Variants in PRKD1 observed in about 807,000 individuals in gnomAD.
PRKD1 encodes the protein serine/threonine-protein kinase D1.
A neutral mutation model predicts 95.9 loss-of-function variants in PRKD1; 63 were observed. That is an observed-to-expected ratio of 0.66 (90% CI 0.54 to 0.81). PRKD1 has a LOEUF of 0.81. PRKD1 is among the 30% of genes least tolerant of loss of function. The pLI is 0.00. For synonymous variants in PRKD1, 425 were observed against 423.1 expected, an observed-to-expected ratio of 1.00 and a Z score of -0.05; for missense variants, 1,048 against 1,165.3, an observed-to-expected ratio of 0.90 and a Z score of 1.47.
At chr14:29,824,595 CA>C (rs1762193452) in intron 1 of PRKD1, among the ~76,000 whole-genome samples, 1 of 152,118 alleles carries the variant, frequency 6.6e-6, no homozygotes, top group South Asian at 2.1e-4. Context: ...CAATTATAAA[CA>C]GTGTGTCAAA....
chr14:29,814,606 T>C (rs1890619222), intron 1 of PRKD1, among the ~76,000 whole-genome samples: 1 of 152,130 alleles, frequency 6.6e-6, no homozygotes, highest in Non-Finnish European at 1.5e-5. Context: ...ACAGCTGACT[T>C]TGATGCACTT....
intron 1 of PRKD1, among the ~76,000 whole-genome samples, chr14:29,920,076 G>A (rs958820167): frequency 6.7e-5 from 9 of 134,774 alleles, no homozygotes; most frequent in Non-Finnish European, 1.1e-4. Flanking sequence ...AAAGAAGGAA[G>A]GAAGGAAGGA....
At chr14:29,636,519 A>G in intron 6 of PRKD1, 25 bp from the exon 7 acceptor site, 1 of 1,612,706 alleles carries the variant, frequency 6.2e-7, no homozygotes, top group Non-Finnish European at 8.5e-7. Context: ...TCACCCATGA[A>G]GATAAGCCTG....
intron 1 of PRKD1, among the ~76,000 whole-genome samples, chr14:29,859,709 ACT>A (rs1338428816): frequency 6.6e-6 from 1 of 152,172 alleles, no homozygotes; most frequent in Non-Finnish European, 1.5e-5. Context: ...TCACTTTATA[ACT>A]CTAATCTCAT....
intron 2 of PRKD1, among the ~76,000 whole-genome samples, chr14:29,720,504 G>A (rs902402231): frequency 2.6e-5 from 4 of 151,802 alleles, no homozygotes; most frequent in East Asian, 1.9e-4. Flanking sequence ...AGCCCAAGCC[G>A]AGCACGGTGG....
At chr14:29,898,859 T>TA (rs1178384851) in intron 1 of PRKD1, among the ~76,000 whole-genome samples, 4 of 152,178 alleles carry the variant, frequency 2.6e-5, no homozygotes, top group Admixed American at 6.5e-5. Context: ...AGAGAAACTT[T>TA]AAAAAACCAT....
chr14:29,894,689 A>G (rs1894059179), intron 1 of PRKD1, among the ~76,000 whole-genome samples: 2 of 152,190 alleles, frequency 1.3e-5, no homozygotes, highest in Non-Finnish European at 2.9e-5. Flanking sequence ...TATATTTTGA[A>G]AACACAATGG....
chr14:29,632,839 T>A (rs1184734453), intron 9 of PRKD1, 30 bp downstream of exon 9: 3 of 1,554,992 alleles, frequency 1.9e-6, no homozygotes, highest in Admixed American at 1.7e-5. Flanking sequence ...ATAAGAGGTA[T>A]GAAACTACAA....
intron 2 of PRKD1, among the ~76,000 whole-genome samples, chr14:29,711,716 C>A (rs568175945): frequency 3.9e-5 from 6 of 152,206 alleles, no homozygotes; most frequent in Non-Finnish European, 8.8e-5. Flanking sequence ...CTTTTAAGAA[C>A]CACAGCTTAC....
intron 2 of PRKD1, among the ~76,000 whole-genome samples, chr14:29,678,365 G>A (rs528211399): frequency 5.3e-4 from 81 of 152,246 alleles, no homozygotes; most frequent in African/African-American, 1.7e-3. Flanking sequence ...TAGCCATTCC[G>A]TAAGTGGAAG....
intron 13 of PRKD1, among the ~76,000 whole-genome samples, chr14:29,600,145 T>G (rs1168571826): frequency 6.6e-6 from 1 of 152,176 alleles, no homozygotes; most frequent in Non-Finnish European, 1.5e-5. Flanking sequence ...ATATTAAACA[T>G]ATTGTCCTAA....
chr14:29,901,692 C>G lies in PRKD1; in HGVS notation c.264+25557G>C, dbSNP rs577493558. Among the ~76,000 whole-genome samples, 3 of 152,270 alleles carry G rather than the reference C, an allele frequency of 2.0e-5. No individual in the cohort carries two copies. In the South Asian group the frequency reaches 6.2e-4, roughly 32 times the overall value. ...ACAGTAATCAATAGTACAACAGCAA[C>G]AGCAATAGTAGAAAATGTCATACTT... On this transcript the variant is annotated intron_variant, in intron 1 of 17. Coordinates refer to ENST00000331968, the MANE Select transcript of PRKD1 (RefSeq NM_002742.3).
At chr14:29,925,149 T>C (rs1259142040) in intron 1 of PRKD1, among the ~76,000 whole-genome samples, 3 of 152,246 alleles carry the variant, frequency 2.0e-5, no homozygotes, top group Admixed American at 1.3e-4. Context: ...ACTACTAGAA[T>C]AAATACAAAA....
chr14:29,620,263 A>G (rs28498661), intron 13 of PRKD1, among the ~76,000 whole-genome samples: 78,346 of 149,898 alleles, frequency 0.52, 21,356 homozygotes, highest in East Asian at 0.68. Flanking sequence ...CATAGGCATG[A>G]GCAAGGACTT....
chr14:29,615,115 T>C (rs1878766229), intron 13 of PRKD1, among the ~76,000 whole-genome samples: 3 of 151,522 alleles, frequency 2.0e-5, no homozygotes, highest in Non-Finnish European at 4.4e-5. Flanking sequence ...GTAGGGAAAG[T>C]GGAATAGGCT....
intron 1 of PRKD1, among the ~76,000 whole-genome samples, chr14:29,819,383 A>C (rs1309619239): frequency 1.3e-5 from 2 of 152,080 alleles, no homozygotes; most frequent in African/African-American, 4.8e-5. Flanking sequence ...AAAGAGAGAG[A>C]GCACATAAAT....
At chr14:29,804,235 T>TAAAA (rs34903080) in intron 1 of PRKD1, among the ~76,000 whole-genome samples, 1 of 120,242 alleles carries the variant, frequency 8.3e-6, no homozygotes, top group African/African-American at 3.0e-5. Context: ...AGAACGAAAC[T>TAAAA]AAAAAAAAAA....
intron 1 of PRKD1, among the ~76,000 whole-genome samples, chr14:29,819,491 C>G (rs79469702): frequency 6.6e-6 from 1 of 152,034 alleles, no homozygotes; most frequent in African/African-American, 2.4e-5. Context: ...GAGATCGAGA[C>G]CATCCTGGCT....
Position 29,599,603 on chromosome 14 carries a change from A to G in PRKD1, c.2067+53T>C, listed in dbSNP as rs570978878. The G allele has an allele frequency of 3.3e-6, 5 of 1,520,502 alleles. No individual in the cohort carries two copies. In the African/African-American group the frequency reaches 4.1e-5, roughly 13 times the overall value. 94.2% of individuals were successfully genotyped at this position (1,520,502 alleles called of 1,614,324 possible). A position where few individuals can be genotyped will look rare whatever the true frequency, so the allele number is the denominator to read the frequency against. ...GCTAGAAAGCTGTAGTTAAACAGTG[A>G]TAACATTTGATATTAAATATTGTAT... On this transcript the variant is annotated intron_variant, in intron 14 of 17. Coordinates refer to ENST00000331968, the MANE Select transcript of PRKD1 (RefSeq NM_002742.3).
Sources: gnomAD v4.1 joint callset for allele counts (sites outside exome capture counted in the v4.1 genomes callset) on GRCh38, gnomAD v4.1.1 for gene constraint, MANE v1.5 for transcripts, NCBI Gene and HGNC (gene_info 2026-07-23, HGNC 2026-07-21) for gene names.